ABCG2: variants seen among roughly 807,000 people sequenced by gnomAD.
ABCG2 encodes the protein broad substrate specificity ATP-binding cassette transporter ABCG2.
Under a neutral mutation model 73.5 loss-of-function variants are expected in ABCG2, and 80 were observed. The ratio of observed to expected loss-of-function variants is 1.09; its 90% CI spans 0.91 to 1.31. The LOEUF is 1.31. ABCG2 is among the 50% of genes most tolerant of loss of function. The pLI is 0.00. For missense variants in ABCG2, 796 were observed against 786.2 expected (o/e 1.01, Z -0.15); for synonymous variants, 269 against 282.4 (o/e 0.95, Z 0.48).
chr4:88,212,597 C>G (rs1578282833), intron 1 of ABCG2, among the ~76,000 whole-genome samples: 1 of 152,132 alleles, frequency 6.6e-6, no homozygotes, highest in African/African-American at 2.4e-5. Flanking sequence ...TAACCCAACT[C>G]CGGCAAACCT....
At chr4:88,150,355 G>A (rs930754098) in intron 1 of ABCG2, among the ~76,000 whole-genome samples, 2 of 152,158 alleles carry the variant, frequency 1.3e-5, no homozygotes, top group Non-Finnish European at 2.9e-5. Flanking sequence ...TCTGAGGGTG[G>A]CCTTCTGGAG....
At chr4:88,185,525 C>T (rs1728417631) in intron 1 of ABCG2, among the ~76,000 whole-genome samples, 1 of 152,034 alleles carries the variant, frequency 6.6e-6, no homozygotes, top group South Asian at 2.1e-4. Flanking sequence ...AAAACTTCTG[C>T]ACAGCTAAGA....
At chr4:88,186,935 A>T (rs1477581865) in intron 1 of ABCG2, among the ~76,000 whole-genome samples, 1 of 147,402 alleles carries the variant, frequency 6.8e-6, no homozygotes, top group Non-Finnish European at 1.5e-5. Flanking sequence ...AAAAAAAAAA[A>T]AAAAAAATTT....
In ABCG2 at chr4:88,133,915, T is replaced by C. The variant is rs550182016; in HGVS notation, c.204-1280A>G. 7.9e-5 allele frequency among the ~76,000 whole-genome samples: 12 copies of C among 152,012 alleles called. No homozygotes were observed. In the East Asian group the frequency reaches 2.3e-3, roughly 30 times the overall value. ...CGGGAGGCTGAGGCAGGAGAATCACTTGAACCCAGGAGGTGGAGGTTGCAG... is the reference window on the plus strand; with the variant it reads ...CGGGAGGCTGAGGCAGGAGAATCACCTGAACCCAGGAGGTGGAGGTTGCAG... On this transcript the variant is annotated intron_variant, in intron 2 of 15. Coordinates refer to ENST00000237612, the MANE Select transcript of ABCG2 (RefSeq NM_004827.3).
intron 1 of ABCG2, among the ~76,000 whole-genome samples, chr4:88,199,478 G>C (rs544178675): frequency 1.3e-5 from 2 of 152,164 alleles, no homozygotes; most frequent in African/African-American, 4.8e-5. Context: ...CTTAACTATA[G>C]AGAAACAAAG....
intron 1 of ABCG2, among the ~76,000 whole-genome samples, chr4:88,203,641 C>T (rs1019541119): frequency 2.6e-5 from 4 of 151,564 alleles, no homozygotes; most frequent in African/African-American, 9.7e-5. Flanking sequence ...GTAATCCCAG[C>T]TACTTGGGAG....
intron 1 of ABCG2, among the ~76,000 whole-genome samples, chr4:88,157,201 ATGACACTAAACAT>A (rs139914150): frequency 0.4 from 61,292 of 151,998 alleles, 13,470 homozygotes; most frequent in East Asian, 0.66. Context: ...TCATCTAATC[ATGACACTAAACAT>A]CAAGCAAACA....
At chr4:88,112,876 G>A (rs919236877) in intron 9 of ABCG2, among the ~76,000 whole-genome samples, 2 of 152,184 alleles carry the variant, frequency 1.3e-5, no homozygotes, top group African/African-American at 4.8e-5. Context: ...CTGGGAGACT[G>A]AGGCAGGAGA....
chr4:88,114,050 C>A (rs777059810), intron 8 of ABCG2, among the ~76,000 whole-genome samples: 1 of 152,030 alleles, frequency 6.6e-6, no homozygotes, highest in East Asian at 1.9e-4. Context: ...CTCCTGTAAT[C>A]CCAGTATTTT....
In ABCG2 at chr4:88,131,929, C is replaced by T; in HGVS notation, c.264-12G>A. On this transcript the variant is annotated splice_polypyrimidine_tract_variant and intron_variant, in intron 3 of 15. Coordinates refer to ENST00000237612, the MANE Select transcript of ABCG2 (RefSeq NM_004827.3). ...AGACATCTAATAACCTATAAGAGGA[C>T]ATATATGTTGTGGGTCTAATAACCT... 1 of 1,600,078 alleles carries T rather than the reference C, an allele frequency of 6.2e-7. No individual in the cohort carries two copies. The highest frequency in any genetic ancestry group is 1.7e-4 in the Middle Eastern group (1 of 5,950).
intron 9 of ABCG2, among the ~76,000 whole-genome samples, chr4:88,109,061 C>T (rs571611392): frequency 4.7e-5 from 7 of 149,954 alleles, no homozygotes; most frequent in Non-Finnish European, 7.4e-5. Context: ...TGCAATGGCG[C>T]GATCTCGGCT....
intron 1 of ABCG2, among the ~76,000 whole-genome samples, chr4:88,211,345 T>G (rs1729580593): frequency 7.2e-6 from 1 of 138,632 alleles, no homozygotes; most frequent in Non-Finnish European, 1.6e-5. Flanking sequence ...TGATAGGTAA[T>G]TGTTCAACCC....
intron 2 of ABCG2, among the ~76,000 whole-genome samples, chr4:88,139,215 T>A (rs1419574445): frequency 1.3e-5 from 2 of 152,120 alleles, no homozygotes; most frequent in Non-Finnish European, 2.9e-5. Context: ...CTACTAACTT[T>A]AAAAGATAAA....
At chr4:88,123,138 A>G (rs1724129436) in intron 5 of ABCG2, among the ~76,000 whole-genome samples, 1 of 152,184 alleles carries the variant, frequency 6.6e-6, no homozygotes, top group Non-Finnish European at 1.5e-5. Context: ...ATCAACATCA[A>G]CAAAAAGGAA....
At chr4:88,131,329 A>G in intron 4 of ABCG2, 116 bp from the exon 5 acceptor site, 1 of 1,104,626 alleles carries the variant, frequency 9.1e-7, no homozygotes, top group Non-Finnish European at 1.3e-6. Flanking sequence ...GTAAAGTTCT[A>G]GCTAATGATG....
chr4:88,130,989 CAG>C, intron 5 of ABCG2, 70 bp downstream of exon 5: 2 of 1,540,746 alleles, frequency 1.3e-6, no homozygotes. Flanking sequence ...ACTTCTGAAT[CAG>C]AGTCATTTTA....
At chr4:88,132,724 G>T (rs1578211493) in intron 2 of ABCG2, 89 bp from the exon 3 acceptor site, 2 of 1,398,542 alleles carry the variant, frequency 1.4e-6, no homozygotes, top group East Asian at 2.3e-5. Flanking sequence ...CTCAATGAAG[G>T]TTGATGAAAT....
upstream of ABCG2, among the ~76,000 whole-genome samples, chr4:88,163,216 G>T (rs371051744): frequency 5.8e-4 from 88 of 152,282 alleles, 1 homozygote; most frequent in African/African-American, 2.0e-3. Context: ...AGCTATCAGG[G>T]CCTTTGACTA....
At chr4:88,156,189 A>G (rs1726924612) in intron 1 of ABCG2, among the ~76,000 whole-genome samples, 1 of 152,008 alleles carries the variant, frequency 6.6e-6, no homozygotes, top group Non-Finnish European at 1.5e-5. Context: ...AGCCTGGCCA[A>G]CATGGAAAAC....
Sources: gnomAD v4.1 joint callset for allele counts (sites outside exome capture counted in the v4.1 genomes callset) on GRCh38, gnomAD v4.1.1 for gene constraint, MANE v1.5 for transcripts, NCBI Gene and HGNC (gene_info 2026-07-23, HGNC 2026-07-21) for gene names.